Variants in ARMC3 observed in about 807,000 individuals in gnomAD.
ARMC3 encodes armadillo repeat-containing protein 3.
ARMC3 carries 74 observed loss-of-function variants against 90.3 expected under a neutral mutation model. That is an observed-to-expected ratio of 0.82 (90% CI 0.68 to 0.99). The LOEUF (loss-of-function observed/expected upper bound fraction) is 0.99. ARMC3 is among the 50% of genes least tolerant of loss of function. ARMC3 has a pLI of 0.00. For missense variants in ARMC3, 958 were observed against 1,042.8 expected, an observed-to-expected ratio of 0.92 and a Z score of 1.12; for synonymous variants, 334 against 361.8, an observed-to-expected ratio of 0.92 and a Z score of 0.87.
At chr10:23,027,164 G>A (rs565754009) in intron 16 of ARMC3, among the ~76,000 whole-genome samples, 4 of 152,070 alleles carry the variant, frequency 2.6e-5, no homozygotes, top group Admixed American at 6.6e-5. Context: ...AGAAAAAACC[G>A]CTGGGATATT....
intron 11 of ARMC3, among the ~76,000 whole-genome samples, chr10:22,999,401 C>T (rs1169446139): frequency 3.3e-5 from 5 of 152,110 alleles, no homozygotes; most frequent in African/African-American, 1.2e-4. Context: ...GACTCTGCCT[C>T]CTAAAAGAAT....
chr10:22,928,301 C>T (rs1191368844), intron 1 of ARMC3, among the ~76,000 whole-genome samples, 195 bp downstream of exon 1: 1 of 152,138 alleles, frequency 6.6e-6, no homozygotes, highest in East Asian at 1.9e-4. Flanking sequence ...CCGCCACCTC[C>T]CATTCAACAG....
chr10:23,011,194 G>A (rs888796485), intron 16 of ARMC3, among the ~76,000 whole-genome samples: 3 of 152,132 alleles, frequency 2.0e-5, no homozygotes, highest in Non-Finnish European at 4.4e-5. Flanking sequence ...ATTTAGCGCA[G>A]TGCCTGGCTG....
rs879181250 is a variant in ARMC3, at chr10:23,037,713, A to C, written c.*234A>C. ...TCATTTTCCGCTCACTGACCCTCAC[A>C]TAAAGCTGATTGTTGTCGAAATTCA... On this transcript the variant is annotated 3_prime_UTR_variant, in exon 19 of 19. Coordinates refer to ENST00000298032, the MANE Select transcript of ARMC3 (RefSeq NM_173081.5). 2.3e-6 allele frequency: 1 copy of C among 427,494 alleles called. No homozygotes were observed. Among genetic ancestry groups the C allele is most frequent in the South Asian group, 4.6e-5 (1 of 21,802 alleles). 26.5% of individuals were successfully genotyped at this position (427,494 alleles called of 1,614,324 possible).
Position 23,030,542 on chromosome 10 carries a change from G to A in ARMC3, c.2046-54G>A, listed in dbSNP as rs1479779048. On this transcript the variant is annotated intron_variant, in intron 16 of 18. Transcript: ENST00000298032. Reference sequence around the variant, plus strand: ...TCTTTTCAGAAATGCAAGAGCAATTGTTTGTTTGTTTAGCAGAAGATGTGA... The same window carrying A: ...TCTTTTCAGAAATGCAAGAGCAATTATTTGTTTGTTTAGCAGAAGATGTGA... 15 of 1,555,940 alleles carry A rather than the reference G, an allele frequency of 9.6e-6. No homozygotes were observed. In the Admixed American group the frequency reaches 1.9e-4, roughly 20 times the overall value.
In ARMC3 at chr10:22,986,559, A is replaced by C. The variant is rs537790470; in HGVS notation, c.1175+4859A>C. Among the ~76,000 whole-genome samples the C allele has an allele frequency of 4.7e-4, 68 of 144,910 alleles. 1 individual carries two copies. Among genetic ancestry groups the C allele is most frequent in the East Asian group, 1.8e-3 (9 of 5,116 alleles). ...AGAGTGAGACTCCATCTCAAAAAAA[A>C]AAACAAAAAAAAAAAAAACAAACCC... On this transcript the variant is annotated intron_variant, in intron 10 of 18. Coordinates refer to ENST00000298032, the MANE Select transcript of ARMC3 (RefSeq NM_173081.5).
chr10:22,967,208 A>G (rs941756706), intron 7 of ARMC3, among the ~76,000 whole-genome samples: 15 of 152,180 alleles, frequency 9.9e-5, no homozygotes, highest in African/African-American at 3.4e-4. Flanking sequence ...AGGTCCACCC[A>G]TATCATGGAG....
At chr10:22,986,757 C>A (rs1170622118) in intron 10 of ARMC3, among the ~76,000 whole-genome samples, 1 of 152,018 alleles carries the variant, frequency 6.6e-6, no homozygotes, top group East Asian at 1.9e-4. Flanking sequence ...AAAACAGAAG[C>A]AACAGTGGAG....
intron 10 of ARMC3, among the ~76,000 whole-genome samples, chr10:22,994,500 C>T (rs1836864822): frequency 6.6e-6 from 1 of 152,060 alleles, no homozygotes; most frequent in Non-Finnish European, 1.5e-5. Context: ...AAGTTTGGGA[C>T]TAGCCTGGGC....
At chr10:23,029,217 C>A (rs1466978786) in intron 16 of ARMC3, among the ~76,000 whole-genome samples, 3 of 152,206 alleles carry the variant, frequency 2.0e-5, no homozygotes, top group Admixed American at 2.0e-4. Context: ...TGAGCTTTCT[C>A]TGTGCTGATG....
rs569233774 is a variant in ARMC3, at chr10:23,001,072, T to A, written c.1426-847T>A. ...ACTGTGTATAGATAGCAAAGATGGG[T>A]CTTTCTCTGGAGAATTGCTTGAGTG... is the stretch of plus-strand genomic sequence containing the variant. On this transcript the variant is annotated intron_variant, in intron 11 of 18. Transcript: ENST00000298032. Among the ~76,000 whole-genome samples, 53 of 152,284 alleles carry A rather than the reference T, an allele frequency of 3.5e-4. No homozygotes were observed. The South Asian group carries it at 9.1e-3, about 26-fold the overall frequency.
chr10:22,932,386 A>G (rs1397456051), intron 2 of ARMC3, among the ~76,000 whole-genome samples: 1 of 152,206 alleles, frequency 6.6e-6, no homozygotes, highest in African/African-American at 2.4e-5. Flanking sequence ...AATCAAGTGA[A>G]TTTTCAAAAA....
At chr10:22,978,786 T>C (rs1379489102) in intron 8 of ARMC3, among the ~76,000 whole-genome samples, 1 of 151,886 alleles carries the variant, frequency 6.6e-6, no homozygotes, top group Non-Finnish European at 1.5e-5. Flanking sequence ...ATATTGCTCC[T>C]TATACTGTTA....
intron 13 of ARMC3, among the ~76,000 whole-genome samples, chr10:23,005,087 C>G (rs1429255373): frequency 6.6e-6 from 1 of 151,810 alleles, no homozygotes; most frequent in Non-Finnish European, 1.5e-5. Flanking sequence ...GTGGCGGGTG[C>G]CTGTAGTCCC....
At chr10:22,969,491 G>T (rs902266586) in intron 8 of ARMC3, among the ~76,000 whole-genome samples, 1 of 152,116 alleles carries the variant, frequency 6.6e-6, no homozygotes, top group South Asian at 2.1e-4. Flanking sequence ...GCACACACTG[G>T]ATTTCTTCAG....
rs16922864 is a variant in ARMC3 at position 22,981,457 on chromosome 10, A to G, written c.1034A>G (p.Glu345Gly). Residue 345 changes from glutamate to glycine, a missense_variant, in exon 9 of 19, where the codon GAG (glutamate) becomes GGG (glycine). By Grantham distance (98) the Glu-to-Gly change is moderately conservative (BLOSUM62 -2). Transcript: ENST00000298032. ...TCCCAAGCTATTTCAGCAATGTGTGAGAATTCAGGCAGCAAAGATTTTTTC... is the reference window on the plus strand; with the variant it reads ...TCCCAAGCTATTTCAGCAATGTGTGGGAATTCAGGCAGCAAAGATTTTTTC... ...AASQAISAMC[E>G]NSGSKDFFNN... is the part of the protein sequence containing the mutation. 2,431 of 1,614,090 alleles carry G rather than the reference A, an allele frequency of 1.5e-3. 37 individuals carry two copies. In the African/African-American group the frequency reaches 0.029, roughly 20 times the overall value.
chr10:23,006,798 C>A, intron 13 of ARMC3, 86 bp from the exon 14 acceptor site: 1 of 1,086,416 alleles, frequency 9.2e-7, no homozygotes, highest in Non-Finnish European at 1.4e-6. Context: ...ACACCGCAAA[C>A]AGCTGAGAAT....
At chr10:22,972,176 A>G (rs958205156) in intron 8 of ARMC3, among the ~76,000 whole-genome samples, 1 of 152,120 alleles carries the variant, frequency 6.6e-6, no homozygotes, top group African/African-American at 2.4e-5. Context: ...TTGATGCAAA[A>G]AGTTTTAAAT....
At chr10:22,970,646 C>CA (rs978395193) in intron 8 of ARMC3, among the ~76,000 whole-genome samples, 4 of 152,190 alleles carry the variant, frequency 2.6e-5, no homozygotes, top group African/African-American at 9.7e-5. Context: ...TGCCCTGAAA[C>CA]AGAGATGCGG....
Sources: allele counts gnomAD v4.1 joint callset (sites outside exome capture counted in the v4.1 genomes callset), GRCh38; gene constraint gnomAD v4.1.1; transcripts MANE v1.5; gene names NCBI Gene and HGNC (gene_info 2026-07-23, HGNC 2026-07-21).